The following GNG2 variants were observed in gnomAD, a reference collection of about 807,000 sequenced individuals.
GNG2 encodes G protein subunit gamma 2.
GNG2 carries 5 observed loss-of-function variants against 5.5 expected under a neutral mutation model. The observed-to-expected ratio is 0.91, with a 90% CI of 0.48 to 1.92. The LOEUF is 1.92. GNG2 is among the 30% of genes most tolerant of loss of function. GNG2 has a pLI of 0.01. For missense variants in GNG2, 55 were observed against 88.4 expected, an observed-to-expected ratio of 0.62 and a Z score of 1.52; for synonymous variants, 28 against 32.0, an observed-to-expected ratio of 0.88 and a Z score of 0.42.
chr14:51,866,612 T>C (rs1474862350), intron 1 of GNG2, among the ~76,000 whole-genome samples: 3 of 152,106 alleles, frequency 2.0e-5, no homozygotes, highest in African/African-American at 4.8e-5. Flanking sequence ...AAGTCCAAGA[T>C]CAAGGTACTG....
chr14:51,847,715 T>G (rs12590611), intron 2 of GNG2, among the ~76,000 whole-genome samples: 25,685 of 151,854 alleles, frequency 0.17, 2,600 homozygotes, highest in East Asian at 0.43. Flanking sequence ...AGGCCTTAGC[T>G]CCTGGATTTA....
At chr14:51,890,899 G>A (rs1260678250) in intron 2 of GNG2, among the ~76,000 whole-genome samples, 1 of 53,002 alleles carries the variant, frequency 1.9e-5, no homozygotes, top group East Asian at 4.9e-4. Flanking sequence ...TATACACATG[G>A]TATATGAAAT....
At chr14:51,891,509 A>G (rs1286305811) in intron 2 of GNG2, among the ~76,000 whole-genome samples, 1 of 152,162 alleles carries the variant, frequency 6.6e-6, no homozygotes, top group African/African-American at 2.4e-5. Flanking sequence ...TACATTCCCC[A>G]TCTTTTAAGT....
chr14:51,887,762 G>A (rs187304887), intron 2 of GNG2, among the ~76,000 whole-genome samples: 120 of 152,288 alleles, frequency 7.9e-4, no homozygotes, highest in Non-Finnish European at 1.2e-3. Context: ...AAGTCTCCTA[G>A]TATGAAAAAT....
chr14:51,938,458 G>T (rs1888135526), intron 2 of GNG2, among the ~76,000 whole-genome samples: 1 of 152,174 alleles, frequency 6.6e-6, no homozygotes, highest in Non-Finnish European at 1.5e-5. Context: ...AATTAACAAT[G>T]TGCTGTCACA....
chr14:51,914,929 G>T lies in GNG2; in HGVS notation c.-29-35721G>T, dbSNP rs117710415. 2.8e-4 allele frequency among the ~76,000 whole-genome samples: 43 copies of T among 152,316 alleles called. 2 individuals are homozygous for T. The East Asian group carries it at 7.9e-3, about 28-fold the overall frequency. ...AAGATGATACATGCCCTGCCATCATGCCTTTCTGTCATGTACACTGTCATC... is the reference window on the plus strand; with the variant it reads ...AAGATGATACATGCCCTGCCATCATTCCTTTCTGTCATGTACACTGTCATC... On this transcript the variant is annotated intron_variant, in intron 2 of 3. Transcript: ENST00000556766.
intron 2 of GNG2, among the ~76,000 whole-genome samples, chr14:51,897,504 C>A (rs940513777): frequency 1.3e-5 from 2 of 152,058 alleles, no homozygotes; most frequent in Non-Finnish European, 2.9e-5. Context: ...ACAGATGGAA[C>A]CAAATTTCCA....
At chr14:51,848,409 C>T (rs763369043) in intron 2 of GNG2, among the ~76,000 whole-genome samples, 4 of 152,126 alleles carry the variant, frequency 2.6e-5, no homozygotes, top group Non-Finnish European at 5.9e-5. Flanking sequence ...TGAAGTATAG[C>T]CCCCGACTAC....
At chr14:51,910,793 C>T (rs1323415344) in intron 2 of GNG2, among the ~76,000 whole-genome samples, 2 of 152,162 alleles carry the variant, frequency 1.3e-5, no homozygotes, top group Non-Finnish European at 2.9e-5. Flanking sequence ...AAGGAAAGGC[C>T]CTGGTGCATT....
At chr14:51,875,200 G>A (rs995318210) in intron 1 of GNG2, among the ~76,000 whole-genome samples, 1 of 152,202 alleles carries the variant, frequency 6.6e-6, no homozygotes, top group Non-Finnish European at 1.5e-5. Flanking sequence ...AGGGAGCCAG[G>A]CTCCTTCTAT....
chr14:51,868,412 C>T (rs567589867), intron 1 of GNG2, among the ~76,000 whole-genome samples: 2 of 152,164 alleles, frequency 1.3e-5, no homozygotes, highest in African/African-American at 4.8e-5. Context: ...AAATGACTTA[C>T]AATAAAAGAA....
At chr14:51,873,041 T>C (rs925722504) in intron 1 of GNG2, among the ~76,000 whole-genome samples, 1 of 152,236 alleles carries the variant, frequency 6.6e-6, no homozygotes, top group Non-Finnish European at 1.5e-5. Flanking sequence ...ACAGATTAAT[T>C]ATCTCCAGTG....
chr14:51,931,143 A>C (rs1332137704), intron 2 of GNG2, among the ~76,000 whole-genome samples: 1 of 152,158 alleles, frequency 6.6e-6, no homozygotes, highest in Non-Finnish European at 1.5e-5. Context: ...AAAGAAATAC[A>C]GAAATATAGG....
intron 2 of GNG2, among the ~76,000 whole-genome samples, chr14:51,880,067 T>A (rs1201994437): frequency 1.3e-5 from 2 of 152,214 alleles, no homozygotes; most frequent in South Asian, 2.1e-4. Flanking sequence ...ATTTTGTAGG[T>A]CCAGGTACTG....
intron 2 of GNG2, among the ~76,000 whole-genome samples, chr14:51,906,253 T>C (rs1885908674): frequency 6.6e-6 from 1 of 152,260 alleles, no homozygotes; most frequent in Admixed American, 6.5e-5. Context: ...CTATTTCATA[T>C]TAAGCTTTGT....
At chr14:51,933,530 G>A (rs761456040) in intron 2 of GNG2, among the ~76,000 whole-genome samples, 3 of 152,148 alleles carry the variant, frequency 2.0e-5, no homozygotes, top group Non-Finnish European at 4.4e-5. Flanking sequence ...TAAGATGGGA[G>A]ATATTTTAGT....
chr14:51,878,693 GC>G lies in GNG2; in HGVS notation c.-30+1037del, dbSNP rs144514199. The stretch of plus-strand genomic sequence containing the variant: ...TCCTCAACTCATATTTATAAGGTCT[GC>G]AAATTTGGACTTTGGATATCTCCAA... On this transcript the variant is annotated intron_variant, in intron 2 of 3. Transcript: ENST00000556766. Among the ~76,000 whole-genome samples, 613 of 152,250 alleles carry G rather than the reference GC, an allele frequency of 4.0e-3. 3 individuals are homozygous for G. The highest frequency in any genetic ancestry group is 0.015 in the African/African-American group (604 of 41,550).
chr14:51,891,046 C>A (rs1480957235), intron 2 of GNG2, among the ~76,000 whole-genome samples: 1 of 152,108 alleles, frequency 6.6e-6, no homozygotes, highest in Admixed American at 6.5e-5. Context: ...TTGGGGAAGG[C>A]AAATAAATGG....
At chr14:51,891,404 A>G (rs1884845484) in intron 2 of GNG2, among the ~76,000 whole-genome samples, 1 of 152,200 alleles carries the variant, frequency 6.6e-6, no homozygotes, top group South Asian at 2.1e-4. Flanking sequence ...CTATATGTGT[A>G]TGTATGTGTG....
Sources: gnomAD v4.1 joint callset for allele counts (sites outside exome capture counted in the v4.1 genomes callset) on GRCh38, gnomAD v4.1.1 for gene constraint, MANE v1.5 for transcripts, NCBI Gene and HGNC (gene_info 2026-07-23, HGNC 2026-07-21) for gene names.